The following TERB1 variants were observed in gnomAD, a reference collection of about 807,000 sequenced individuals.
The protein encoded by TERB1 is telomere repeats-binding bouquet formation protein 1.
In TERB1, 63 loss-of-function variants were observed where a neutral mutation model predicts 92.3. That is an observed-to-expected ratio of 0.68 (90% confidence interval 0.56 to 0.84). TERB1 has a LOEUF of 0.84. Ranked by LOEUF, TERB1 falls within the 40% of genes least tolerant of loss-of-function variation. The pLI is 0.00. For missense variants in TERB1, 709 were observed against 843.7 expected (o/e 0.84, Z 1.98); for synonymous variants, 252 against 283.9 (o/e 0.89, Z 1.13).
intron 14 of TERB1, among the ~76,000 whole-genome samples, chr16:66,769,555 C>T (rs544959051): frequency 6.6e-6 from 1 of 152,322 alleles, no homozygotes; most frequent in East Asian, 1.9e-4. Flanking sequence ...TCTTCACATC[C>T]TATTCCCTTT....
At position 66,755,115 on chromosome 16, in the gene TERB1, AG is replaced by A. The variant is rs1319632525; in HGVS notation, c.2044del (p.Leu682PhefsTer37). 4.5e-6 allele frequency: 7 copies of A among 1,550,132 alleles called. No homozygotes were observed. The highest frequency in any genetic ancestry group is 5.2e-6 in the Non-Finnish European group (6 of 1,145,860). ...KNFTEEEVNY[L>X]FNGVKKMGNH... The stretch of plus-strand genomic sequence containing the variant: ...TCCCATTTTCTTAACTCCATTGAAA[AG>A]GTAATTTACTTCTTCTTCAGTAAAG... On this transcript the variant is annotated frameshift_variant, in exon 19 of 19. Coordinates refer to ENST00000433154, the MANE Select transcript of TERB1 (RefSeq NM_001136505.2). LOFTEE classifies it high-confidence loss of function.
intron 15 of TERB1, 103 bp downstream of exon 15, chr16:66,768,001 T>C: frequency 1.1e-6 from 1 of 918,434 alleles, no homozygotes; most frequent in Non-Finnish European, 1.7e-6. Context: ...GTGCTGGGAT[T>C]ACAGGCGTGA....
At chr16:66,789,307 G>A (rs1359897749) in intron 5 of TERB1, among the ~76,000 whole-genome samples, 1 of 38,292 alleles carries the variant, frequency 2.6e-5, no homozygotes, top group Non-Finnish European at 4.4e-5. Flanking sequence ...AAATTCGGCC[G>A]GGCGCGGTGG....
Position 66,775,096 on chromosome 16 carries a change from C to T in TERB1, c.1111+22G>A, listed in dbSNP as rs1363447032. The T allele has an allele frequency of 3.2e-6, 5 of 1,550,028 alleles. No homozygotes were observed. The Admixed American group carries it at 9.8e-5, about 30-fold the overall frequency. Reference sequence around the variant, plus strand: ...CTTTATAAACTTTGGTTGGTATGTTCTTAAAGTAATAGTACACTTACTAAT... The same window carrying T: ...CTTTATAAACTTTGGTTGGTATGTTTTTAAAGTAATAGTACACTTACTAAT... On this transcript the variant is annotated intron_variant, in intron 12 of 18. Coordinates refer to ENST00000433154, the MANE Select transcript of TERB1 (RefSeq NM_001136505.2).
intron 16 of TERB1, among the ~76,000 whole-genome samples, chr16:66,761,991 T>C (rs989788777): frequency 6.6e-6 from 1 of 151,752 alleles, no homozygotes; most frequent in African/African-American, 2.4e-5. Flanking sequence ...AGGCAGAGAC[T>C]GCAGTGAGCC....
rs1397933445 is a variant in TERB1 at position 66,775,377 on chromosome 16, T to TA, written c.986-135dup. ...GGCCAGGAACGGTGGCTCACTCTTG[T>TA]AATCCCAGCACTTTGGGAGGCTGAG... On this transcript the variant is annotated intron_variant, in intron 11 of 18. Transcript: ENST00000433154. 14 of 714,934 alleles carry TA rather than the reference T, an allele frequency of 2.0e-5. No homozygotes were observed. In the East Asian group the frequency reaches 4.3e-4, roughly 22 times the overall value. The allele number at this position is 714,934 out of a possible 1,614,324, so 44.3% of individuals were successfully genotyped here. A position where few individuals can be genotyped will look rare whatever the true frequency, so the allele number is the denominator to read the frequency against.
At chr16:66,779,915 G>A (rs911196870) in intron 9 of TERB1, among the ~76,000 whole-genome samples, 5 of 152,232 alleles carry the variant, frequency 3.3e-5, no homozygotes, top group African/African-American at 9.6e-5. Flanking sequence ...TTCAATGACC[G>A]GTATCTATTT....
chr16:66,768,601 T>G (rs2018389950), intron 14 of TERB1, among the ~76,000 whole-genome samples: 1 of 152,272 alleles, frequency 6.6e-6, no homozygotes, highest in East Asian at 1.9e-4. Context: ...TAGTCCTTGA[T>G]GAATAAATAC....
chr16:66,800,051 A>G (rs1418715549), intron 2 of TERB1: 3 of 152,170 alleles, frequency 2.0e-5, no homozygotes, highest in Admixed American at 6.5e-5. Flanking sequence ...TGTTTACCTG[A>G]TTTAGAAAAT....
intron 9 of TERB1, among the ~76,000 whole-genome samples, chr16:66,785,239 T>C (rs1033507743): frequency 6.6e-6 from 1 of 151,738 alleles, no homozygotes; most frequent in Non-Finnish European, 1.5e-5. Flanking sequence ...GATGGGGTTT[T>C]ACCATGTTGG....
chr16:66,781,187 G>T (rs1442703820), intron 9 of TERB1, among the ~76,000 whole-genome samples: 5 of 152,024 alleles, frequency 3.3e-5, no homozygotes, highest in Non-Finnish European at 5.9e-5. Context: ...GAGTAACTAG[G>T]ACTAAAACAG....
chr16:66,794,919 A>G (rs993313221), intron 3 of TERB1, among the ~76,000 whole-genome samples: 1 of 101,466 alleles, frequency 9.9e-6, no homozygotes, highest in Middle Eastern at 4.4e-3. Context: ...CAAAAAAAAA[A>G]AAAACACACA....
intron 12 of TERB1, among the ~76,000 whole-genome samples, chr16:66,773,285 G>A (rs2145137987): frequency 6.6e-6 from 1 of 152,266 alleles, no homozygotes; most frequent in Admixed American, 6.5e-5. Flanking sequence ...AGTGAACAGA[G>A]ACTGAGCCAC....
At position 66,786,302 on chromosome 16, in the gene TERB1, T is replaced by C; in HGVS notation, c.401-17A>G. 1.3e-6 allele frequency: 2 copies of C among 1,514,964 alleles called. No individual in the cohort carries two copies. Among genetic ancestry groups the C allele is most frequent in the Non-Finnish European group, 1.8e-6 (2 of 1,121,494 alleles). 93.8% of individuals were successfully genotyped at this position (1,514,964 alleles called of 1,614,324 possible). On this transcript the variant is annotated splice_polypyrimidine_tract_variant and intron_variant, in intron 6 of 18. Coordinates refer to ENST00000433154, the MANE Select transcript of TERB1 (RefSeq NM_001136505.2). ...GTCCGGTCCCTTAAAAAAATAGCCA[T>C]ATAAAAATATGAGTTTTATTTACAA...
At chr16:66,764,518 T>C (rs1444509207) in intron 16 of TERB1, among the ~76,000 whole-genome samples, 1 of 152,190 alleles carries the variant, frequency 6.6e-6, no homozygotes, top group African/African-American at 2.4e-5. Context: ...CTGAGGGTTC[T>C]TTAGCATGAT....
At chr16:66,769,251 G>A (rs538206435) in intron 14 of TERB1, among the ~76,000 whole-genome samples, 1 of 152,236 alleles carries the variant, frequency 6.6e-6, no homozygotes, top group African/African-American at 2.4e-5. Context: ...TCCCATACCT[G>A]AGCAATCAAG....
rs1374225770 is a variant in TERB1, at chr16:66,775,160, T to A, written c.1069A>T (p.Asn357Tyr). 1 of 1,551,666 alleles carries A rather than the reference T, an allele frequency of 6.4e-7. No homozygotes were observed. Among genetic ancestry groups the A allele is most frequent in the Non-Finnish European group, 8.7e-7 (1 of 1,146,976 alleles). The change falls in exon 12 of 19, where the codon AAC becomes TAC. Residue 357 changes from asparagine to tyrosine, a missense_variant. Transcript: ENST00000433154. The part of the protein sequence containing the change: ...ALTESQNEEL[N>Y]KAATFVLHNC... ...TGAAGCACAAATGTGGCAGCTTTGT[T>A]CAGTTCCTCATTCTGCGATTCAGTT...
intron 6 of TERB1, 32 bp downstream of exon 6, chr16:66,788,137 G>A: frequency 7.4e-7 from 1 of 1,358,082 alleles, no homozygotes; most frequent in Non-Finnish European, 9.7e-7. Context: ...TGATTAAAGT[G>A]TTTTCAAATA....
chr16:66,759,328 C>A, intron 16 of TERB1, 38 bp from the exon 17 acceptor site: 1 of 1,440,312 alleles, frequency 6.9e-7, no homozygotes, highest in Non-Finnish European at 9.3e-7. Flanking sequence ...GTAGATGTCA[C>A]AAAATATCTA....
Sources: allele counts gnomAD v4.1 joint callset (sites outside exome capture counted in the v4.1 genomes callset), GRCh38; gene constraint gnomAD v4.1.1; transcripts MANE v1.5; gene names NCBI Gene and HGNC (gene_info 2026-07-23, HGNC 2026-07-21).